The following LINGO2 variants were observed in gnomAD, a reference collection of about 807,000 sequenced individuals.
LINGO2 encodes leucine rich repeat and Ig domain containing 2, also known as leucine-rich repeat and immunoglobulin-like domain-containing nogo receptor-interacting protein 2.
Under a neutral mutation model 30.6 loss-of-function variants are expected in LINGO2, and 14 were observed. The observed-to-expected ratio is 0.46, with a 90% CI of 0.30 to 0.72. The LOEUF (loss-of-function observed/expected upper bound fraction) is 0.72, where lower values mean the gene tolerates loss of function less well. Ranked by LOEUF, LINGO2 falls within the 30% of genes least tolerant of loss-of-function variation. The pLI is 0.07. For synonymous variants in LINGO2, 317 were observed against 288.5 expected (o/e 1.10, Z -1.00); for missense variants, 729 against 751.7 (o/e 0.97, Z 0.35).
intron 1 of LINGO2, among the ~76,000 whole-genome samples, chr9:28,500,556 A>C (rs7020904): frequency 0.021 from 3,247 of 152,266 alleles, 101 homozygotes; most frequent in East Asian, 0.1. Context: ...ATTGATTGAA[A>C]AATTGAGGCA....
chr9:28,607,092 A>G (rs1825726330), intron 1 of LINGO2, among the ~76,000 whole-genome samples: 1 of 152,060 alleles, frequency 6.6e-6, no homozygotes. Context: ...TGAGATTGCA[A>G]GGAACTGTCT....
the LINGO2 span, among the ~76,000 whole-genome samples, chr9:28,945,009 A>C: frequency 6.6e-6 from 1 of 152,140 alleles, no homozygotes; most frequent in Non-Finnish European, 1.5e-5. Context: ...AACAAAACAA[A>C]TATAGGCTGG....
At chr9:28,992,913 G>T in the LINGO2 span, among the ~76,000 whole-genome samples, 1 of 151,664 alleles carries the variant, frequency 6.6e-6, no homozygotes, top group African/African-American at 2.4e-5. Context: ...GAGTAAGCAG[G>T]AAAGATCCAA....
chr9:28,675,940 C>A, the LINGO2 span, among the ~76,000 whole-genome samples: 1 of 145,194 alleles, frequency 6.9e-6, no homozygotes, highest in Non-Finnish European at 1.5e-5. Flanking sequence ...CACACACACA[C>A]ACACACACAC....
intron 2 of LINGO2, among the ~76,000 whole-genome samples, chr9:28,380,404 C>A: frequency 1.7e-5 from 1 of 57,462 alleles, no homozygotes. Context: ...TTTTTTTTTT[C>A]CAATGGTAAG....
the LINGO2 span, among the ~76,000 whole-genome samples, chr9:29,213,397 G>C: frequency 6.6e-6 from 1 of 152,196 alleles, no homozygotes; most frequent in Admixed American, 6.5e-5. Context: ...CACAGCTTCG[G>C]AACACCGTCT....
the LINGO2 span, among the ~76,000 whole-genome samples, chr9:29,102,132 A>C: frequency 3.3e-5 from 5 of 151,050 alleles, no homozygotes; most frequent in Admixed American, 1.3e-4. Flanking sequence ...CCCAGGTTGG[A>C]GAGCAGTGGC....
At chr9:28,616,946 A>T (rs1169513299) in intron 1 of LINGO2, among the ~76,000 whole-genome samples, 1 of 152,122 alleles carries the variant, frequency 6.6e-6, no homozygotes, top group Non-Finnish European at 1.5e-5. Flanking sequence ...GCATACATAT[A>T]TGTTTGTTTG....
At chr9:28,611,039 A>C (rs577199657) in intron 1 of LINGO2, among the ~76,000 whole-genome samples, 1 of 152,274 alleles carries the variant, frequency 6.6e-6, no homozygotes, top group Non-Finnish European at 1.5e-5. Context: ...GGCAGCTGCT[A>C]TTCTGACTAC....
the LINGO2 span, among the ~76,000 whole-genome samples, chr9:29,019,401 AGTTTATTG>A: frequency 6.6e-6 from 1 of 152,180 alleles, no homozygotes; most frequent in African/African-American, 2.4e-5. Context: ...TACAGTTTTC[AGTTTATTG>A]GTTAAACTTA....
At chr9:28,538,261 ATAAAT>A (rs1156438949) in intron 1 of LINGO2, among the ~76,000 whole-genome samples, 4 of 152,016 alleles carry the variant, frequency 2.6e-5, no homozygotes, top group African/African-American at 9.7e-5. Context: ...GGAATATAAA[ATAAAT>A]TAGTAAATGT....
chr9:28,791,377 T>G, the LINGO2 span, among the ~76,000 whole-genome samples: 1 of 152,072 alleles, frequency 6.6e-6, no homozygotes, highest in African/African-American at 2.4e-5. Context: ...TGCTAGACCT[T>G]TTATATTTAA....
In LINGO2 at chr9:28,224,359, T is replaced by C. The variant is rs556069936; in HGVS notation, c.-87+70849A>G. 6.6e-4 allele frequency among the ~76,000 whole-genome samples: 101 copies of C among 152,314 alleles called. 2 individuals carry two copies. The South Asian group carries it at 0.018, about 28-fold the overall frequency. On this transcript the variant is annotated intron_variant, in intron 4 of 5. Transcript: ENST00000379992. ...GATTACAGGCGTGAGCCACCGCACC[T>C]GGCCCAGAATTTTTTATTGTTACAT... is the stretch of plus-strand genomic sequence containing the variant.
chr9:28,831,457 G>T, the LINGO2 span, among the ~76,000 whole-genome samples: 5 of 151,962 alleles, frequency 3.3e-5, no homozygotes, highest in African/African-American at 1.2e-4. Context: ...TTTTATTTTA[G>T]AAGACACCGA....
intron 3 of LINGO2, among the ~76,000 whole-genome samples, chr9:28,335,913 G>A (rs1366757939): frequency 6.6e-6 from 1 of 151,774 alleles, no homozygotes; most frequent in Non-Finnish European, 1.5e-5. Context: ...CCAGGTTTTC[G>A]TGCTAACATA....
chr9:28,308,484 G>T (rs895007044), intron 3 of LINGO2, among the ~76,000 whole-genome samples: 9 of 146,482 alleles, frequency 6.1e-5, no homozygotes, highest in African/African-American at 2.3e-4. Flanking sequence ...AACCCTAGAA[G>T]AAAACCTAGG....
chr9:28,502,879 A>G (rs1257569468), intron 1 of LINGO2, among the ~76,000 whole-genome samples: 1 of 152,036 alleles, frequency 6.6e-6, no homozygotes, highest in Non-Finnish European at 1.5e-5. Context: ...TCTTCATTAG[A>G]TAGTGTGAGA....
At chr9:28,139,407 T>C (rs1310198863) in intron 4 of LINGO2, among the ~76,000 whole-genome samples, 1 of 152,270 alleles carries the variant, frequency 6.6e-6, no homozygotes, top group East Asian at 1.9e-4. Flanking sequence ...TATACCTTTC[T>C]TTTTAATTTA....
At chr9:28,063,443 T>TC (rs984447609) in intron 4 of LINGO2, among the ~76,000 whole-genome samples, 15 of 151,604 alleles carry the variant, frequency 9.9e-5, no homozygotes, top group Non-Finnish European at 1.9e-4. Flanking sequence ...ACATTTTTTT[T>TC]TTTAAAGACA....
Sources: gnomAD v4.1 joint callset for allele counts (sites outside exome capture counted in the v4.1 genomes callset) on GRCh38, gnomAD v4.1.1 for gene constraint, MANE v1.5 for transcripts, NCBI Gene and HGNC (gene_info 2026-07-23, HGNC 2026-07-21) for gene names.